The following PIEZO2 variants were observed in gnomAD, a reference collection of about 807,000 sequenced individuals.
PIEZO2 encodes piezo type mechanosensitive ion channel component 2.
In PIEZO2, 172 loss-of-function variants were observed where a neutral mutation model predicts 337.3. That is an observed-to-expected ratio of 0.51 (90% confidence interval 0.45 to 0.58). The LOEUF is 0.58. Among genes scored for constraint, PIEZO2 ranks in the 20% least tolerant of loss-of-function variants. The pLI, the probability that PIEZO2 is intolerant of heterozygous loss-of-function variation, is 0.00. For synonymous variants in PIEZO2, 1,251 were observed against 1,228.5 expected, an observed-to-expected ratio of 1.02 and a Z score of -0.38; for missense variants, 3,028 against 3,391.3, an observed-to-expected ratio of 0.89 and a Z score of 2.66.
intron 33 of PIEZO2, among the ~76,000 whole-genome samples, chr18:10,737,163 A>T (rs2037029973): frequency 6.6e-6 from 1 of 152,104 alleles, no homozygotes. Context: ...GTTGCAGATA[A>T]GCCAATCAGG....
intron 7 of PIEZO2, among the ~76,000 whole-genome samples, chr18:10,820,429 T>G (rs2040488960): frequency 6.6e-6 from 1 of 152,080 alleles, no homozygotes. Context: ...ATCTATCTTT[T>G]CTTCTGTGGT....
chr18:10,838,242 G>A (rs2041081126), intron 7 of PIEZO2, among the ~76,000 whole-genome samples: 2 of 152,042 alleles, frequency 1.3e-5, no homozygotes, highest in Admixed American at 1.3e-4. Flanking sequence ...CCCCTGCCTT[G>A]CATCATATGG....
chr18:11,024,956 T>A (rs191228483), intron 2 of PIEZO2, among the ~76,000 whole-genome samples: 2,713 of 151,588 alleles, frequency 0.018, 75 homozygotes, highest in African/African-American at 0.058. Flanking sequence ...TTTTTTTTTT[T>A]AAATAATATT....
At chr18:11,046,319 A>C (rs1365398440) in intron 2 of PIEZO2, among the ~76,000 whole-genome samples, 1 of 152,240 alleles carries the variant, frequency 6.6e-6, no homozygotes, top group Admixed American at 6.5e-5. Context: ...CACTGCTCTC[A>C]GCTCACTCCT....
chr18:10,755,530 C>T (rs1056454284), intron 27 of PIEZO2, among the ~76,000 whole-genome samples: 2 of 152,200 alleles, frequency 1.3e-5, no homozygotes, highest in African/African-American at 4.8e-5. Flanking sequence ...GGCCTGCCCT[C>T]CATGAAGTGG....
chr18:10,692,331 A>T (rs1054553467), intron 47 of PIEZO2, among the ~76,000 whole-genome samples: 4 of 152,204 alleles, frequency 2.6e-5, no homozygotes, highest in African/African-American at 9.6e-5. Context: ...AAAACTTTTG[A>T]CTTGGTAAGA....
intron 2 of PIEZO2, among the ~76,000 whole-genome samples, chr18:11,061,010 A>G (rs958307205): frequency 6.6e-6 from 1 of 152,228 alleles, no homozygotes; most frequent in African/African-American, 2.4e-5. Context: ...GTCCTCAATA[A>G]AATACTAGCA....
chr18:10,891,191 G>A (rs1222923648), intron 4 of PIEZO2, among the ~76,000 whole-genome samples: 3 of 152,146 alleles, frequency 2.0e-5, no homozygotes, highest in African/African-American at 7.2e-5. Flanking sequence ...GGGTGTGGTG[G>A]TGCGCACCTG....
intron 2 of PIEZO2, among the ~76,000 whole-genome samples, chr18:11,010,541 C>A (rs572378542): frequency 6.6e-6 from 1 of 152,288 alleles, no homozygotes; most frequent in East Asian, 1.9e-4. Flanking sequence ...TGGAAGTGCA[C>A]CTGACTGAGT....
At position 10,862,237 on chromosome 18, in the gene PIEZO2, A is replaced by C. The variant is rs912825610; in HGVS notation, c.493-5026T>G. 6.6e-6 allele frequency among the ~76,000 whole-genome samples: 1 copy of C among 152,162 alleles called. No individual in the cohort carries two copies. Among genetic ancestry groups the C allele is most frequent in the African/African-American group, 2.4e-5 (1 of 41,442 alleles). On this transcript the variant is annotated intron_variant, in intron 5 of 55. Transcript: ENST00000674853. This position sits in a 1 kb window ranked among gnomAD's most constrained non-coding sequence, Gnocchi z 4.4. ...TTAGTCAGTTAAAAATAAAATAAAA[A>C]TAATAGAATACTGGAAAACATAGAT... is the stretch of plus-strand genomic sequence containing the variant.
chr18:11,028,609 C>T lies in PIEZO2; in HGVS notation c.160+37518G>A, dbSNP rs2036622725. On this transcript the variant is annotated intron_variant, in intron 2 of 55. Transcript: ENST00000674853. The surrounding 1 kb of genome is among the most constrained non-coding windows in gnomAD (Gnocchi z 4.8). Reference sequence around the variant, plus strand: ...CATTGACACTGTCCTTCAGCTTTATCTGAACACCCCCATAACAATGTGTGA... The same window carrying T: ...CATTGACACTGTCCTTCAGCTTTATTTGAACACCCCCATAACAATGTGTGA... Among the ~76,000 whole-genome samples the T allele has an allele frequency of 6.6e-6, 1 of 152,162 alleles. No homozygotes were observed. The highest frequency in any genetic ancestry group is 2.1e-4 in the South Asian group (1 of 4,826).
intron 27 of PIEZO2, among the ~76,000 whole-genome samples, chr18:10,756,889 C>A (rs28972202): frequency 3.6e-5 from 4 of 110,200 alleles, no homozygotes. Flanking sequence ...AGGAAGGATG[C>A]AGGATAAAAA....
At chr18:11,030,421 T>C (rs760695458) in intron 2 of PIEZO2, among the ~76,000 whole-genome samples, 9 of 152,288 alleles carry the variant, frequency 5.9e-5, no homozygotes, top group African/African-American at 1.4e-4. Context: ...TAAGGGTCCC[T>C]AGTACTCCCT....
chr18:10,711,053 T>A (rs1376047944), intron 39 of PIEZO2, among the ~76,000 whole-genome samples: 1 of 152,238 alleles, frequency 6.6e-6, no homozygotes, highest in Non-Finnish European at 1.5e-5. Flanking sequence ...ACTGGGGGGA[T>A]ATTTTGACAG....
At chr18:10,701,907 T>A (rs1031100558) in intron 43 of PIEZO2, 82 bp downstream of exon 43, 18 of 1,262,216 alleles carry the variant, frequency 1.4e-5, no homozygotes, top group Admixed American at 3.3e-5. Context: ...AATCCTGATG[T>A]CCAGGTTATC....
intron 11 of PIEZO2, among the ~76,000 whole-genome samples, chr18:10,799,335 G>C (rs989123950): frequency 6.6e-6 from 1 of 152,194 alleles, no homozygotes; most frequent in African/African-American, 2.4e-5. Flanking sequence ...CAGGCAATTG[G>C]TCCCTTGCAG....
intron 2 of PIEZO2, among the ~76,000 whole-genome samples, chr18:11,063,469 G>A (rs539436429): frequency 6.6e-6 from 1 of 152,160 alleles, no homozygotes; most frequent in African/African-American, 2.4e-5. Context: ...GACATCAAAG[G>A]TCCACCTTCT....
intron 3 of PIEZO2, among the ~76,000 whole-genome samples, chr18:10,976,466 A>G (rs1043622405): frequency 7.2e-5 from 11 of 152,142 alleles, no homozygotes; most frequent in Non-Finnish European, 1.5e-4. Flanking sequence ...TCCCTTCTCT[A>G]TTGGTTACTT....
At chr18:10,849,990 T>C (rs1346411088) in intron 7 of PIEZO2, among the ~76,000 whole-genome samples, 1 of 152,222 alleles carries the variant, frequency 6.6e-6, no homozygotes, top group Non-Finnish European at 1.5e-5. Context: ...GCAGTTATTG[T>C]TATAATAGAC....
Sources: gnomAD v4.1 joint callset for allele counts (sites outside exome capture counted in the v4.1 genomes callset) on GRCh38, gnomAD v4.1.1 for gene constraint, Gnocchi (gnomAD v3.1) non-coding constraint, MANE v1.5 for transcripts, NCBI Gene and HGNC (gene_info 2026-07-23, HGNC 2026-07-21) for gene names.